Variants in DZIP1L observed in about 807,000 individuals in gnomAD.
DZIP1L encodes cilium assembly protein DZIP1L.
Under a neutral mutation model 88.7 loss-of-function variants are expected in DZIP1L, and 90 were observed. The observed-to-expected ratio is 1.02, with a 90% CI of 0.86 to 1.21. The LOEUF (loss-of-function observed/expected upper bound fraction) is 1.21, where lower values mean the gene tolerates loss of function less well. Ranked by LOEUF, DZIP1L falls within the 50% of genes most tolerant of loss-of-function variation. DZIP1L has a pLI of 0.00. For synonymous variants in DZIP1L, 363 were observed against 372.1 expected (o/e 0.98, Z 0.28); for missense variants, 932 against 955.8 (o/e 0.98, Z 0.33).
rs1943012421 is a variant in DZIP1L, at chr3:138,068,320, TC to T, written c.1662del (p.Thr555ProfsTer30). ...GGCAAGGCCACCTGCAGGGTCCTGG[TC>T]TTTGGCTGGGCCTCTCTGGTGACCA... ...STLVTREAQP[K>X]TRTLQVALPS... On this transcript the variant is annotated frameshift_variant, in exon 13 of 16. Coordinates refer to ENST00000327532, the MANE Select transcript of DZIP1L (RefSeq NM_173543.3). LOFTEE classifies it high-confidence loss of function. 1 of 1,588,676 alleles carries T rather than the reference TC, an allele frequency of 6.3e-7. No homozygotes were observed. Among genetic ancestry groups the T allele is most frequent in the Non-Finnish European group, 8.6e-7 (1 of 1,166,156 alleles).
At chr3:138,066,427 G>A (rs1025662297) in intron 14 of DZIP1L, among the ~76,000 whole-genome samples, 2 of 152,016 alleles carry the variant, frequency 1.3e-5, no homozygotes, top group South Asian at 2.1e-4. Flanking sequence ...AGCTCTTTCT[G>A]GGGGGAAAAA....
intron 1 of DZIP1L, among the ~76,000 whole-genome samples, chr3:138,111,008 G>A (rs1482143455): frequency 6.6e-6 from 1 of 152,162 alleles, no homozygotes; most frequent in African/African-American, 2.4e-5. Context: ...AGCTGGGAAA[G>A]GGTTCTCTGG....
chr3:138,104,391 G>GCAA (rs2042418547), intron 1 of DZIP1L, among the ~76,000 whole-genome samples: 1 of 152,242 alleles, frequency 6.6e-6, no homozygotes, highest in Non-Finnish European at 1.5e-5. Context: ...GGTCCTCAGT[G>GCAA]AGCCCCCTCT....
intron 2 of DZIP1L, chr3:138,102,409 C>A: frequency 7.4e-7 from 1 of 1,358,230 alleles, no homozygotes; most frequent in Non-Finnish European, 1.0e-6. Flanking sequence ...TCCACCCAGC[C>A]CCTGCATGTT....
At chr3:138,075,914 G>A (rs35050930) in intron 11 of DZIP1L, among the ~76,000 whole-genome samples, 1,999 of 152,114 alleles carry the variant, frequency 0.013, 20 homozygotes, top group Non-Finnish European at 0.02. Flanking sequence ...AGCCGAGATC[G>A]CACCACTGCA....
chr3:138,114,251 T>C (rs1366103446), intron 1 of DZIP1L, among the ~76,000 whole-genome samples: 2 of 152,170 alleles, frequency 1.3e-5, no homozygotes, highest in Non-Finnish European at 2.9e-5. Flanking sequence ...TCCTATCAAT[T>C]TGAGTTGAGC....
chr3:138,077,647 A>G lies in DZIP1L; in HGVS notation c.1289-15T>C. 1.9e-6 allele frequency: 3 copies of G among 1,613,564 alleles called. No homozygotes were observed. The highest frequency in any genetic ancestry group is 2.5e-6 in the Non-Finnish European group (3 of 1,179,754). On this transcript the variant is annotated splice_polypyrimidine_tract_variant and intron_variant, in intron 10 of 15. Transcript: ENST00000327532. ...GTCCTCCATCTCTGTAGCATGAGAC[A>G]TTCACCCAGATCAGCCTGGGCACCT...
At chr3:138,080,671 T>C in intron 9 of DZIP1L, 51 bp from the exon 10 acceptor site, 1 of 1,595,904 alleles carries the variant, frequency 6.3e-7, no homozygotes, top group Non-Finnish European at 8.6e-7. Flanking sequence ...ACCCCATCCC[T>C]GACTAGAAGA....
intron 2 of DZIP1L, chr3:138,101,767 G>A (rs2042322311): frequency 9.6e-7 from 1 of 1,040,320 alleles, no homozygotes. Flanking sequence ...CCTATAGGTG[G>A]CGATCTTGAT....
chr3:138,088,261 G>C (rs1030549713), intron 6 of DZIP1L, 118 bp downstream of exon 6: 30 of 1,376,930 alleles, frequency 2.2e-5, no homozygotes, highest in Admixed American at 2.9e-5. Flanking sequence ...CAGAAGGTCT[G>C]AAAATATAGA....
chr3:138,104,440 C>A (rs1015219787), intron 1 of DZIP1L, among the ~76,000 whole-genome samples: 5 of 152,246 alleles, frequency 3.3e-5, no homozygotes, highest in Admixed American at 3.3e-4. Flanking sequence ...CTGGCAAAGG[C>A]CTTTGTCAGC....
chr3:138,082,006 C>T (rs1219800788), intron 8 of DZIP1L, among the ~76,000 whole-genome samples: 2 of 152,208 alleles, frequency 1.3e-5, no homozygotes, highest in Non-Finnish European at 2.9e-5. Flanking sequence ...AATGTCCCCT[C>T]TTCAAAGAAG....
chr3:138,084,250 G>A lies in DZIP1L; in HGVS notation c.1066C>T (p.Gln356Ter), dbSNP rs746234376. The A allele has an allele frequency of 6.2e-7, 1 of 1,613,460 alleles. No homozygotes were observed. The highest frequency in any genetic ancestry group is 8.5e-7 in the Non-Finnish European group (1 of 1,179,734). The change falls in exon 8 of 16, where the codon CAG (glutamine) becomes TAG (stop). Residue 356 changes from glutamine (Q) to a stop codon, truncating the protein, a stop_gained. Coordinates refer to ENST00000327532, the MANE Select transcript of DZIP1L (RefSeq NM_173543.3). LOFTEE classifies it high-confidence loss of function. ...EEHMAEKKELQEENQRLQASL... is the reference protein window; with the variant it reads ...EEHMAEKKEL The stretch of plus-strand genomic sequence containing the variant: ...GCCTGGAGCCTCTGGTTCTCCTCCT[G>A]TAGCTGGCAGGCACAAGATGGCTGG...
chr3:138,094,960 G>A lies in DZIP1L; in HGVS notation c.610C>T (p.Pro204Ser). The change falls in exon 4 of 16, where the codon CCA (proline) becomes TCA (serine). Residue 204 changes from proline (P) to serine (S), a missense_variant. Pro to Ser is a moderately conservative substitution (Grantham distance 74). Coordinates refer to ENST00000327532, the MANE Select transcript of DZIP1L (RefSeq NM_173543.3). Reference sequence around the variant, plus strand: ...AGCTCTTCTAACACCTCTTCCACTGGCTGTTCCTGTTTCTTCTGTTTTCCT... The same window carrying A: ...AGCTCTTCTAACACCTCTTCCACTGACTGTTCCTGTTTCTTCTGTTTTCCT... ...EGGKQKKQEQ[P>S]VEEVLEELRA... 1 of 1,614,186 alleles carries A rather than the reference G, an allele frequency of 6.2e-7. No individual in the cohort carries two copies. The highest frequency in any genetic ancestry group is 1.3e-5 in the African/African-American group (1 of 75,050).
At position 138,062,715 on chromosome 3, in the gene DZIP1L, T is replaced by C; in HGVS notation, c.*101A>G. The C allele has an allele frequency of 7.5e-7, 1 of 1,330,214 alleles. No homozygotes were observed. Among genetic ancestry groups the C allele is most frequent in the Non-Finnish European group, 1.1e-6 (1 of 944,890 alleles). 82.4% of individuals were successfully genotyped at this position (1,330,214 alleles called of 1,614,324 possible). A position where few individuals can be genotyped will look rare whatever the true frequency, so the allele number is the denominator to read the frequency against. On this transcript the variant is annotated 3_prime_UTR_variant, in exon 16 of 16. Transcript: ENST00000327532. Reference sequence around the variant, plus strand: ...TCTCTCCAAGAGGATGATCTCTTGGTTGTTTGTGAAGACAAGAGGCCCAGC... The same window carrying C: ...TCTCTCCAAGAGGATGATCTCTTGGCTGTTTGTGAAGACAAGAGGCCCAGC...
At chr3:138,115,009 T>G (rs2042669633) in intron 1 of DZIP1L, among the ~76,000 whole-genome samples, 1 of 152,172 alleles carries the variant, frequency 6.6e-6, no homozygotes, top group Non-Finnish European at 1.5e-5. Context: ...CCCAAGGCCG[T>G]CTTCCCAGTG....
At chr3:138,068,987 C>A in intron 12 of DZIP1L, 3 of 1,277,888 alleles carry the variant, frequency 2.3e-6, no homozygotes, top group Non-Finnish European at 3.0e-6. Flanking sequence ...TGGATTGGGT[C>A]ACAATGTAAA....
intron 2 of DZIP1L, among the ~76,000 whole-genome samples, chr3:138,098,352 A>G (rs1007311630): frequency 6.6e-6 from 1 of 152,192 alleles, no homozygotes; most frequent in Non-Finnish European, 1.5e-5. Flanking sequence ...GAAATTTTCC[A>G]TAATAAAAAG....
chr3:138,108,434 C>T (rs1233094436), intron 1 of DZIP1L, among the ~76,000 whole-genome samples: 1 of 152,140 alleles, frequency 6.6e-6, no homozygotes, highest in Non-Finnish European at 1.5e-5. Context: ...GTCAAGAACT[C>T]TCCATCAGCC....
Sources: gnomAD v4.1 joint callset for allele counts (sites outside exome capture counted in the v4.1 genomes callset) on GRCh38, gnomAD v4.1.1 for gene constraint, MANE v1.5 for transcripts, NCBI Gene and HGNC (gene_info 2026-07-23, HGNC 2026-07-21) for gene names.